The following DNAH5 variants were observed in gnomAD, a reference collection of about 807,000 sequenced individuals.
DNAH5 encodes the protein axonemal beta dynein heavy chain 5.
In DNAH5, 372 loss-of-function variants were observed where a neutral mutation model predicts 518.2. That is an observed-to-expected ratio of 0.72 (90% CI 0.66 to 0.78). The LOEUF (loss-of-function observed/expected upper bound fraction) is 0.78. Among genes scored for constraint, DNAH5 ranks in the 30% least tolerant of loss-of-function variants. DNAH5 has a pLI of 0.00. For synonymous variants in DNAH5, 2,039 were observed against 2,025.9 expected (o/e 1.01, Z -0.17); for missense variants, 5,523 against 5,687.0 (o/e 0.97, Z 0.93).
intron 14 of DNAH5, 138 bp downstream of exon 14, chr5:13,901,114 T>G: frequency 1.2e-6 from 1 of 866,406 alleles, no homozygotes; most frequent in Non-Finnish European, 1.8e-6. Flanking sequence ...CATATTACAC[T>G]CTGAACGCTT....
At chr5:13,778,906 CT>C (rs1754666929) in intron 53 of DNAH5, among the ~76,000 whole-genome samples, 1 of 152,202 alleles carries the variant, frequency 6.6e-6, no homozygotes, top group Non-Finnish European at 1.5e-5. Context: ...TGCAGAGGAA[CT>C]AGTCTGCCAC....
chr5:13,965,996 T>TC (rs1343679031), intron 1 of DNAH5, among the ~76,000 whole-genome samples: 1 of 150,882 alleles, frequency 6.6e-6, no homozygotes, highest in East Asian at 2.0e-4. Flanking sequence ...TCCCATCCTT[T>TC]CCCCCAATCC....
At chr5:13,808,622 T>A (rs1760057902) in intron 46 of DNAH5, among the ~76,000 whole-genome samples, 1 of 152,230 alleles carries the variant, frequency 6.6e-6, no homozygotes, top group Non-Finnish European at 1.5e-5. Flanking sequence ...GACATTTTCG[T>A]GTATTCTAAA....
intron 38 of DNAH5, among the ~76,000 whole-genome samples, chr5:13,826,215 A>G (rs1310105633): frequency 6.6e-6 from 1 of 152,236 alleles, no homozygotes; most frequent in East Asian, 1.9e-4. Context: ...ACATTGATGT[A>G]TTACATTTCA....
At chr5:13,981,860 C>A (rs1782695681) in intron 1 of DNAH5, among the ~76,000 whole-genome samples, 1 of 152,148 alleles carries the variant, frequency 6.6e-6, no homozygotes, top group South Asian at 2.1e-4. Flanking sequence ...CACCCATAAC[C>A]ATGTGGCCAA....
At chr5:13,897,059 T>C (rs1774001297) in intron 15 of DNAH5, among the ~76,000 whole-genome samples, 1 of 152,206 alleles carries the variant, frequency 6.6e-6, no homozygotes, top group Non-Finnish European at 1.5e-5. Context: ...TCACAGCTAA[T>C]ATTAATGATT....
chr5:13,880,097 A>C (rs2151934444), intron 21 of DNAH5, among the ~76,000 whole-genome samples: 1 of 152,344 alleles, frequency 6.6e-6, no homozygotes, highest in Non-Finnish European at 1.5e-5. Context: ...TCATAAGACT[A>C]TCAGTAGATT....
rs57557009 is a variant in DNAH5, at chr5:13,965,259, A to T, written c.13-34015T>A. Among the ~76,000 whole-genome samples, 1,161 of 152,312 alleles carry T rather than the reference A, an allele frequency of 7.6e-3. 16 individuals are homozygous for T. Among genetic ancestry groups the T allele is most frequent in the African/African-American group, 0.027 (1,113 of 41,568 alleles). ...AAATGATATGTAAGTCAACAGACAA[A>T]TCCGTTTTTTTAATGTCTTCCCTTT... On this transcript the variant is annotated intron_variant, in intron 1 of 78. Coordinates refer to the DNAH5 transcript ENST00000681290.
In DNAH5 at chr5:13,718,927, C is replaced by T. The variant is rs761422282; in HGVS notation, c.12454G>A (p.Asp4152Asn). The change falls in exon 72 of 79, where the codon GAT becomes AAT. Residue 4152 changes from aspartate to asparagine, a missense_variant. Around this residue, in one of 3 missense-constraint regions of DNAH5, gnomAD observed 5,121 missense variants for 5,223.3 expected, o/e 0.98. Coordinates refer to ENST00000265104, the MANE Select transcript of DNAH5 (RefSeq NM_001369.3). The part of the protein sequence containing the change: ...LLQMSIKFAN[D>N]PPQGLRAGLK... ...CCTGCCCGGAGTCCTTGTGGAGGAT[C>T]GTTGGCAAATTTAATGGACATCTGA... 3 of 1,614,092 alleles carry T rather than the reference C, an allele frequency of 1.9e-6. No homozygotes were observed. The highest frequency in any genetic ancestry group is 2.7e-5 in the African/African-American group (2 of 75,018).
chr5:13,836,856 G>A (rs1356054959), intron 35 of DNAH5, among the ~76,000 whole-genome samples: 6 of 152,230 alleles, frequency 3.9e-5, no homozygotes, highest in Non-Finnish European at 8.8e-5. Context: ...TAGAAGAGTG[G>A]GTCAGAGACA....
rs1486813109 is a variant in DNAH5, at chr5:13,807,639, C to T, written c.7839G>A (p.Met2613Ile). 6.2e-7 allele frequency: 1 copy of T among 1,613,092 alleles called. No individual in the cohort carries two copies. The highest frequency in any genetic ancestry group is 1.3e-5 in the African/African-American group (1 of 74,874). Residue 2613 changes from methionine (M) to isoleucine (I), a missense_variant, in exon 47 of 79, where the codon ATG becomes ATA. Around this residue, in one of 3 missense-constraint regions of DNAH5, gnomAD observed 5,121 missense variants for 5,223.3 expected, o/e 0.98. Transcript: ENST00000265104. ...CAGAAGAAAAATTCAGACTCTTGAT[C>T]ATGTGACATTCAGGATCATATTTTG... ...FMSKYDPECHMIKSLNFSSAT... is the reference protein window; with the variant it reads ...FMSKYDPECHIIKSLNFSSAT...
chr5:13,758,703 GTC>G, intron 61 of DNAH5, 141 bp downstream of exon 61: 1 of 1,194,418 alleles, frequency 8.4e-7, no homozygotes, highest in Admixed American at 1.7e-5. Flanking sequence ...CCATCCTGTT[GTC>G]TCATCAAAGA....
chr5:13,946,176 T>A (rs1779897705), upstream of DNAH5, among the ~76,000 whole-genome samples: 2 of 152,218 alleles, frequency 1.3e-5, no homozygotes, highest in Admixed American at 1.3e-4. Flanking sequence ...AATCGGTGCT[T>A]CCCTAATGGT....
At chr5:13,784,794 ACATGG>A (rs1755725970) in intron 52 of DNAH5, among the ~76,000 whole-genome samples, 1 of 152,202 alleles carries the variant, frequency 6.6e-6, no homozygotes, top group African/African-American at 2.4e-5. Flanking sequence ...ATGGATTTTT[ACATGG>A]CATTTTCTTG....
intron 35 of DNAH5, among the ~76,000 whole-genome samples, chr5:13,837,477 C>T (rs967075168): frequency 1.3e-5 from 2 of 148,952 alleles, no homozygotes; most frequent in Non-Finnish European, 2.9e-5. Flanking sequence ...CTTTGGACAG[C>T]GAACCTGGAG....
intron 22 of DNAH5, among the ~76,000 whole-genome samples, chr5:13,872,730 A>G (rs886612262): frequency 6.6e-6 from 1 of 152,172 alleles, no homozygotes; most frequent in Non-Finnish European, 1.5e-5. Context: ...TCCCAGCAAA[A>G]CAAATGCTAC....
At chr5:13,990,404 T>A (rs1412420372) in intron 1 of DNAH5, among the ~76,000 whole-genome samples, 1 of 150,956 alleles carries the variant, frequency 6.6e-6, no homozygotes, top group Non-Finnish European at 1.5e-5. Flanking sequence ...CACGAAAAAA[T>A]TAGCTGGGCG....
Position 13,919,267 on chromosome 5 carries a change from G to A in DNAH5, c.884C>T (p.Ser295Phe). The change falls in exon 7 of 79, where the codon TCC becomes TTC. Residue 295 changes from serine (S) to phenylalanine (F), a missense_variant. By Grantham distance (155) the Ser-to-Phe change is radical. Transcript: ENST00000265104. Reference protein sequence around the residue: ...AELEHWKKRLSKFNYLLEQLK... With the variant: ...AELEHWKKRLFKFNYLLEQLK... ...TTGTTCCAAAAGGTAGTTAAACTTG[G>A]AGAGTCTTTTTTTCCAGTGCTCCAG... The A allele has an allele frequency of 1.2e-6, 2 of 1,614,126 alleles. No individual in the cohort carries two copies. The highest frequency in any genetic ancestry group is 1.7e-6 in the Non-Finnish European group (2 of 1,180,014).
intron 75 of DNAH5, among the ~76,000 whole-genome samples, chr5:13,711,300 T>C (rs960738322): frequency 6.6e-6 from 1 of 152,170 alleles, no homozygotes; most frequent in Non-Finnish European, 1.5e-5. Context: ...AGAAAAAGCA[T>C]TCAACAAAAT....
Sources: gnomAD v4.1 joint callset for allele counts (sites outside exome capture counted in the v4.1 genomes callset) on GRCh38, gnomAD v4.1.1 for gene constraint, gnomAD v4.1.1 regional missense constraint, MANE v1.5 for transcripts, NCBI Gene and HGNC (gene_info 2026-07-23, HGNC 2026-07-21) for gene names.